Variants in TBC1D5 observed in about 807,000 individuals in gnomAD.
TBC1D5 encodes TBC1 domain family member 5.
TBC1D5 carries 75 observed loss-of-function variants against 100.3 expected under a neutral mutation model. That is an observed-to-expected ratio of 0.75 (90% CI 0.62 to 0.91). The LOEUF (loss-of-function observed/expected upper bound fraction) is 0.91, where lower values mean the gene tolerates loss of function less well. Among genes scored for constraint, TBC1D5 ranks in the 40% least tolerant of loss-of-function variants. The pLI, the probability that TBC1D5 is intolerant of heterozygous loss-of-function variation, is 0.00. For synonymous variants in TBC1D5, 323 were observed against 325.6 expected, an observed-to-expected ratio of 0.99 and a Z score of 0.09; for missense variants, 910 against 942.4, an observed-to-expected ratio of 0.97 and a Z score of 0.45.
chr3:17,469,024 T>C lies in TBC1D5; in HGVS notation c.97+39450A>G, dbSNP rs554487489. Among the ~76,000 whole-genome samples the C allele has an allele frequency of 9.8e-5, 15 of 152,296 alleles. No homozygotes were observed. In the East Asian group the frequency reaches 1.9e-3, roughly 20 times the overall value. ...ATTAATATTTCCCGAAGTCATTTGATGGCTGAGAGGCATGAACACAGAACT... is the reference window on the plus strand; with the variant it reads ...ATTAATATTTCCCGAAGTCATTTGACGGCTGAGAGGCATGAACACAGAACT... On this transcript the variant is annotated intron_variant, in intron 3 of 21. Transcript: ENST00000253692.
intron 17 of TBC1D5, among the ~76,000 whole-genome samples, chr3:17,227,122 A>C (rs2074976222): frequency 6.6e-6 from 1 of 152,196 alleles, no homozygotes; most frequent in South Asian, 2.1e-4. Context: ...AAAAGCGAAC[A>C]CTGAAGTACA....
intron 17 of TBC1D5, among the ~76,000 whole-genome samples, chr3:17,229,779 C>A (rs537156762): frequency 4.6e-5 from 7 of 152,124 alleles, no homozygotes; most frequent in African/African-American, 1.7e-4. Flanking sequence ...CCGTGCTAGA[C>A]AAAACTGTAC....
chr3:17,684,289 T>C (rs1479701012), intron 1 of TBC1D5, among the ~76,000 whole-genome samples: 1 of 152,046 alleles, frequency 6.6e-6, no homozygotes, highest in Non-Finnish European at 1.5e-5. Context: ...TAAAGGAACA[T>C]TCCAATTAAA....
At chr3:17,682,547 C>T (rs982708414) in intron 1 of TBC1D5, among the ~76,000 whole-genome samples, 1 of 151,376 alleles carries the variant, frequency 6.6e-6, no homozygotes, top group African/African-American at 2.5e-5. Flanking sequence ...AGATATTACA[C>T]ATGAATTAAG....
At chr3:17,349,697 T>C (rs190485516) in intron 13 of TBC1D5, among the ~76,000 whole-genome samples, 1 of 152,326 alleles carries the variant, frequency 6.6e-6, no homozygotes, top group East Asian at 1.9e-4. Context: ...AATTATTGTT[T>C]TGTCCTTTCC....
intron 15 of TBC1D5, among the ~76,000 whole-genome samples, chr3:17,265,782 G>A (rs541842840): frequency 1.3e-5 from 2 of 152,158 alleles, no homozygotes; most frequent in Admixed American, 1.3e-4. Flanking sequence ...GTGAACTAGA[G>A]CTGCAGAGCA....
intron 17 of TBC1D5, among the ~76,000 whole-genome samples, chr3:17,223,088 C>G (rs1437997707): frequency 6.6e-6 from 1 of 152,046 alleles, no homozygotes. Flanking sequence ...ATGAAATTTG[C>G]CTGTAAAATT....
intron 15 of TBC1D5, among the ~76,000 whole-genome samples, chr3:17,274,084 T>G (rs2079725462): frequency 6.6e-6 from 1 of 151,924 alleles, no homozygotes; most frequent in South Asian, 2.1e-4. Context: ...CATATTACCT[T>G]TATTCCACTG....
chr3:17,429,075 T>C (rs1370154334), intron 3 of TBC1D5, among the ~76,000 whole-genome samples: 1 of 151,992 alleles, frequency 6.6e-6, no homozygotes, highest in East Asian at 1.9e-4. Context: ...AGGTTTCAAC[T>C]GTCAAAAGTT....
At chr3:17,261,653 T>C (rs986431862) in intron 15 of TBC1D5, among the ~76,000 whole-genome samples, 1 of 152,058 alleles carries the variant, frequency 6.6e-6, no homozygotes, top group Non-Finnish European at 1.5e-5. Context: ...CTCCTGGTAG[T>C]TGGGACTACA....
At chr3:17,698,772 A>G (rs2072605239) in intron 1 of TBC1D5, among the ~76,000 whole-genome samples, 2 of 149,512 alleles carry the variant, frequency 1.3e-5, no homozygotes, top group African/African-American at 4.9e-5. Flanking sequence ...ACATTTATGC[A>G]GCCAAAAGAC....
intron 1 of TBC1D5, among the ~76,000 whole-genome samples, chr3:17,687,938 G>C (rs898778263): frequency 1.3e-5 from 2 of 152,112 alleles, no homozygotes; most frequent in African/African-American, 2.4e-5. Flanking sequence ...AAAATAGGCA[G>C]ACTGCAGTAA....
chr3:17,531,454 C>T (rs372597142), intron 2 of TBC1D5, among the ~76,000 whole-genome samples: 22 of 152,176 alleles, frequency 1.4e-4, no homozygotes, highest in South Asian at 4.1e-4. Context: ...AAGCTACCAA[C>T]GACTTTCTTC....
chr3:17,330,343 T>C (rs1450502441), intron 13 of TBC1D5, among the ~76,000 whole-genome samples: 1 of 152,122 alleles, frequency 6.6e-6, no homozygotes, highest in Non-Finnish European at 1.5e-5. Flanking sequence ...CTCAGGGTAA[T>C]CTCTCAAATA....
chr3:17,388,685 C>A (rs78134053), intron 8 of TBC1D5, among the ~76,000 whole-genome samples: 2,984 of 105,898 alleles, frequency 0.028, no homozygotes, highest in East Asian at 0.075. Context: ...CCTGCCTTTA[C>A]AAAAAAAAAA....
rs761038367 is a variant in TBC1D5 at position 17,235,905 on chromosome 3, GT to G, written c.1588+2257del. Reference sequence around the variant, plus strand: ...TTAATCTGAAGGTAAACAAATTTTTGTTTTTTTTTTTTGGTAGATTGACATG... The same window carrying G: ...TTAATCTGAAGGTAAACAAATTTTTGTTTTTTTTTTTGGTAGATTGACATG... On this transcript the variant is annotated intron_variant, in intron 17 of 21. Coordinates refer to ENST00000253692, the Ensembl canonical transcript of TBC1D5. Among the ~76,000 whole-genome samples the G allele has an allele frequency of 4.0e-3, 569 of 142,380 alleles. 4 individuals are homozygous for G. The highest frequency in any genetic ancestry group is 0.012 in the African/African-American group (473 of 39,078). 93.4% of individuals were successfully genotyped at this position (142,380 alleles called of 152,430 possible).
chr3:17,575,510 A>G (rs2096652281), intron 2 of TBC1D5, among the ~76,000 whole-genome samples: 1 of 151,996 alleles, frequency 6.6e-6, no homozygotes, highest in Non-Finnish European at 1.5e-5. Flanking sequence ...CTCTAGGTTC[A>G]CCACTGGTAG....
intron 2 of TBC1D5, among the ~76,000 whole-genome samples, chr3:17,607,086 A>G (rs2061375670): frequency 6.6e-6 from 1 of 152,216 alleles, no homozygotes; most frequent in Non-Finnish European, 1.5e-5. Context: ...CTTTGAAAGT[A>G]GTATGCAGAT....
intron 19 of TBC1D5, among the ~76,000 whole-genome samples, chr3:17,181,362 C>T (rs2068437332): frequency 6.6e-6 from 1 of 152,146 alleles, no homozygotes. Context: ...TCAGATTCTT[C>T]CCTGAGAAGA....
Sources: gnomAD v4.1 joint callset for allele counts (sites outside exome capture counted in the v4.1 genomes callset) on GRCh38, gnomAD v4.1.1 for gene constraint, MANE v1.5 for transcripts, NCBI Gene and HGNC (gene_info 2026-07-23, HGNC 2026-07-21) for gene names.